Variants in CLEC17A observed in about 807,000 individuals in gnomAD.
The protein encoded by CLEC17A is C-type lectin domain family 17, member A.
A neutral mutation model predicts 61.3 loss-of-function variants in CLEC17A; 37 were observed. That is an observed-to-expected ratio of 0.60 (90% CI 0.46 to 0.79). The LOEUF is 0.79. Among genes scored for constraint, CLEC17A ranks in the 30% least tolerant of loss-of-function variants. The probability of loss-of-function intolerance (pLI) is 0.00; values close to 1 mark genes in which losing one functional copy is unlikely to be tolerated. For synonymous variants in CLEC17A, 168 were observed against 164.9 expected (o/e 1.02, Z -0.14); for missense variants, 418 against 464.7 (o/e 0.90, Z 0.92).
chr19:14,609,112 C>T (rs2074983554), intron 13 of CLEC17A, among the ~76,000 whole-genome samples: 1 of 152,024 alleles, frequency 6.6e-6, no homozygotes, highest in Non-Finnish European at 1.5e-5. Context: ...ACATTGGCTG[C>T]TAAAGGCTCA....
rs563476935 is a variant in CLEC17A at position 14,592,856 on chromosome 19, G to A, written c.277+498G>A. Among the ~76,000 whole-genome samples the A allele has an allele frequency of 1.6e-4, 24 of 152,182 alleles. No individual in the cohort carries two copies. The South Asian group carries it at 5.0e-3, about 32-fold the overall frequency. ...ACTTTTGTATTTTTAGTAGAGACCA[G>A]GGTTTCACCATATTGGCCAGGATGG... On this transcript the variant is annotated intron_variant, in intron 4 of 13. Transcript: ENST00000417570.
Position 14,611,625 on chromosome 19 carries a change from A to G in CLEC17A, c.*1429A>G, listed in dbSNP as rs1173631024. Among the ~76,000 whole-genome samples, 1 of 152,134 alleles carries G rather than the reference A, an allele frequency of 6.6e-6. No individual in the cohort carries two copies. Among genetic ancestry groups the G allele is most frequent in the Admixed American group, 6.6e-5 (1 of 15,246 alleles). ...TGGCCAGGCAGGCCATAACCTGGTC[A>G]TATCCACACAGGACAACGATGGACC... On this transcript the variant is annotated 3_prime_UTR_variant, in exon 14 of 14. Coordinates refer to ENST00000417570, the MANE Select transcript of CLEC17A (RefSeq NM_001204118.2).
chr19:14,591,777 C>G (rs547560447), intron 3 of CLEC17A, among the ~76,000 whole-genome samples: 1 of 152,018 alleles, frequency 6.6e-6, no homozygotes, highest in South Asian at 2.1e-4. Flanking sequence ...AGGCTGATCT[C>G]GAACTCCCAA....
intron 13 of CLEC17A, among the ~76,000 whole-genome samples, chr19:14,608,628 A>ATTTTTTTTTTTTTTTTTT (rs71166765): frequency 8.4e-6 from 1 of 119,748 alleles, no homozygotes; most frequent in Non-Finnish European, 1.7e-5. Flanking sequence ...ATGAGGAAGA[A>ATTTTTTTTTTTTTTTTTT]TTTTTTTTTT....
At chr19:14,585,445 C>G (rs879205226) in intron 2 of CLEC17A, among the ~76,000 whole-genome samples, 3 of 131,444 alleles carry the variant, frequency 2.3e-5, no homozygotes, top group African/African-American at 9.4e-5. Flanking sequence ...CCCTGTGACC[C>G]TTACGTTCTC....
intron 8 of CLEC17A, among the ~76,000 whole-genome samples, chr19:14,595,919 G>A (rs1293371417): frequency 6.9e-6 from 1 of 143,934 alleles, no homozygotes; most frequent in East Asian, 2.2e-4. Context: ...GGTGTTGGTG[G>A]TGATGGTGTT....
intron 12 of CLEC17A, among the ~76,000 whole-genome samples, chr19:14,605,705 T>A (rs1221292647): frequency 1.3e-5 from 2 of 152,172 alleles, no homozygotes; most frequent in African/African-American, 2.4e-5. Flanking sequence ...CTTTTATCTC[T>A]GTCATAAGTC....
chr19:14,593,777 G>A (rs1405047710), intron 4 of CLEC17A, among the ~76,000 whole-genome samples: 2 of 151,366 alleles, frequency 1.3e-5, no homozygotes, highest in Non-Finnish European at 2.9e-5. Context: ...TAGCTAACAC[G>A]GTGAAACCCC....
At chr19:14,602,569 A>G (rs2074748449) in intron 12 of CLEC17A, among the ~76,000 whole-genome samples, 1 of 152,104 alleles carries the variant, frequency 6.6e-6, no homozygotes, top group South Asian at 2.1e-4. Context: ...CTGGGATTAC[A>G]GGCATGAGCC....
intron 3 of CLEC17A, among the ~76,000 whole-genome samples, chr19:14,589,725 G>A (rs2074368195): frequency 6.6e-6 from 1 of 151,748 alleles, no homozygotes; most frequent in South Asian, 2.1e-4. Context: ...TCTCATATTC[G>A]TGCCCTTGTG....
Position 14,600,079 on chromosome 19 carries a change from A to G in CLEC17A, c.791A>G (p.Lys264Arg). 2 of 1,614,020 alleles carry G rather than the reference A, an allele frequency of 1.2e-6. No homozygotes were observed. Among genetic ancestry groups the G allele is most frequent in the Non-Finnish European group, 1.7e-6 (2 of 1,179,882 alleles). The change falls in exon 12 of 14, where the codon AAG (lysine) becomes AGG (arginine). Residue 264 changes from lysine to arginine, a missense_variant. Transcript: ENST00000417570. ...GAAGGCTGGCTGCCCTTTGAGGGCAAGTGTTACTACTTCTCCCCAAGCACC... is the reference window on the plus strand; with the variant it reads ...GAAGGCTGGCTGCCCTTTGAGGGCAGGTGTTACTACTTCTCCCCAAGCACC... ...CPEGWLPFEG[K>R]CYYFSPSTKS...
chr19:14,606,765 C>T (rs927865908), intron 12 of CLEC17A, among the ~76,000 whole-genome samples: 7 of 151,908 alleles, frequency 4.6e-5, no homozygotes, highest in African/African-American at 1.7e-4. Flanking sequence ...GAAACTGAGG[C>T]ACGGAGCAGT....
intron 4 of CLEC17A, 120 bp from the exon 5 acceptor site, chr19:14,594,397 C>G: frequency 1.5e-6 from 2 of 1,339,402 alleles, no homozygotes; most frequent in Non-Finnish European, 2.1e-6. Context: ...TTCTTACGTC[C>G]AACCCCGTCT....
At chr19:14,594,859 C>T (rs2074505251) in intron 7 of CLEC17A, 59 bp downstream of exon 7, 1 of 1,449,632 alleles carries the variant, frequency 6.9e-7, no homozygotes, top group Admixed American at 1.8e-5. Context: ...TGTTTCCTTT[C>T]AATCCCCCAA....
Position 14,583,129 on chromosome 19 carries a change from G to C in CLEC17A, c.-32G>C. The C allele has an allele frequency of 6.2e-7, 1 of 1,613,814 alleles. No homozygotes were observed. The highest frequency in any genetic ancestry group is 8.5e-7 in the Non-Finnish European group (1 of 1,179,776). On this transcript the variant is annotated 5_prime_UTR_variant, in exon 1 of 14. Transcript: ENST00000417570. The stretch of plus-strand genomic sequence containing the variant: ...CAGGGGGCAGAGGTTGCCAAGCCCT[G>C]GCTGCCACTTGTCAGGTTCCCTGTG...
intron 2 of CLEC17A, 38 bp downstream of exon 2, chr19:14,583,472 A>G (rs189227010): frequency 2.7e-5 from 44 of 1,611,654 alleles, no homozygotes; most frequent in Non-Finnish European, 3.5e-5. Flanking sequence ...GGGGGAATAC[A>G]GGGAATGGGG....
intron 4 of CLEC17A, among the ~76,000 whole-genome samples, chr19:14,593,878 C>A (rs375726807): frequency 6.4e-4 from 98 of 152,054 alleles, no homozygotes; most frequent in Admixed American, 3.5e-3. Context: ...AGGAGAATGG[C>A]GTGAACCTGG....
At chr19:14,595,368 C>T (rs2074518889) in intron 8 of CLEC17A, 53 bp downstream of exon 8, 1 of 1,591,746 alleles carries the variant, frequency 6.3e-7, no homozygotes, top group Non-Finnish European at 8.6e-7. Context: ...CTGATTGAGA[C>T]CTATGGCTCT....
At position 14,596,872 on chromosome 19, in the gene CLEC17A, C is replaced by T. The variant is rs771540070; in HGVS notation, c.446-4C>T. 1.7e-5 allele frequency: 28 copies of T among 1,608,038 alleles called. No individual in the cohort carries two copies. The South Asian group carries it at 2.8e-4, about 16-fold the overall frequency. On this transcript the variant is annotated splice_polypyrimidine_tract_variant and splice_region_variant and intron_variant, in intron 8 of 13. Coordinates refer to ENST00000417570, the MANE Select transcript of CLEC17A (RefSeq NM_001204118.2). The stretch of plus-strand genomic sequence containing the variant: ...GTCTCTCTGTTCCCATCCCCACTCC[C>T]CAGCAACTCCAGTCCCCTGGCTCAA...
Sources: allele counts gnomAD v4.1 joint callset (sites outside exome capture counted in the v4.1 genomes callset), GRCh38; gene constraint gnomAD v4.1.1; transcripts MANE v1.5; gene names NCBI Gene and HGNC (gene_info 2026-07-23, HGNC 2026-07-21).